AHNAK: variants seen among roughly 807,000 people sequenced by gnomAD.
AHNAK encodes neuroblast differentiation-associated protein AHNAK.
Under a neutral mutation model 37.8 loss-of-function variants are expected in AHNAK, and 23 were observed. The ratio of observed to expected loss-of-function variants is 0.61; its 90% CI spans 0.44 to 0.86. AHNAK has a LOEUF of 0.86. AHNAK is among the 40% of genes least tolerant of loss of function. The probability of loss-of-function intolerance (pLI) is 0.00; values close to 1 mark genes in which losing one functional copy is unlikely to be tolerated. For missense variants in AHNAK, 7,411 were observed against 7,319.4 expected (o/e 1.01, Z -0.46); for synonymous variants, 2,481 against 2,636.3 (o/e 0.94, Z 1.80).
At position 62,517,533 on chromosome 11, in the gene AHNAK, C is replaced by T; in HGVS notation, c.16884G>A (p.Val5628=). Residue 5628 remains valine (V), a synonymous_variant, in exon 5 of 5, where the codon GTG becomes GTA. Coordinates refer to ENST00000378024, the MANE Select transcript of AHNAK (RefSeq NM_001620.3). The part of the protein sequence containing the change: ...HFSGPKVEGG[V]KGGQIGLQAP... The stretch of plus-strand genomic sequence containing the variant: ...CCTGGAGTCCAATCTGACCTCCTTT[C>T]ACACCTCCTTCCACCTTTGGTCCTG... 1 of 1,614,174 alleles carries T rather than the reference C, an allele frequency of 6.2e-7. No individual in the cohort carries two copies. The highest frequency in any genetic ancestry group is 8.5e-7 in the Non-Finnish European group (1 of 1,180,028).
chr11:62,518,895 G>A lies in AHNAK; in HGVS notation c.15522C>T (p.Asn5174=), dbSNP rs1450163649. ...TGACTTTAGCATCTAGGCCTTCGAT[G>A]TTGATGTCAGGTGCACCCAAGTTTG... ...VQANLGAPDI[N]IEGLDAKVKT... Residue 5174 remains asparagine (N), a synonymous_variant, in exon 5 of 5, where the codon AAC becomes AAT. Coordinates refer to ENST00000378024, the MANE Select transcript of AHNAK (RefSeq NM_001620.3). 5.0e-6 allele frequency: 8 copies of A among 1,614,128 alleles called. No individual in the cohort carries two copies. In the African/African-American group the frequency reaches 8.0e-5, roughly 16 times the overall value.
intron 1 of AHNAK, among the ~76,000 whole-genome samples, chr11:62,543,708 T>C (rs975150480): frequency 6.6e-6 from 1 of 152,182 alleles, no homozygotes; most frequent in African/African-American, 2.4e-5. Flanking sequence ...TCCCACCGGA[T>C]GGCCTGAGCC....
intron 1 of AHNAK, among the ~76,000 whole-genome samples, chr11:62,538,548 A>G (rs978788377): frequency 1.3e-5 from 2 of 152,216 alleles, no homozygotes; most frequent in Non-Finnish European, 2.9e-5. Context: ...TCCGGAAAGT[A>G]TCAACAGTCA....
chr11:62,443,099 G>C (rs1195241366), intron 5 of AHNAK, among the ~76,000 whole-genome samples: 1 of 150,830 alleles, frequency 6.6e-6, no homozygotes, highest in Non-Finnish European at 1.5e-5. Flanking sequence ...AGCCTCCCAA[G>C]TAGCTGGGAC....
chr11:62,506,195 C>T (rs143024695), intron 4 of AHNAK, among the ~76,000 whole-genome samples: 57 of 150,748 alleles, frequency 3.8e-4, no homozygotes, highest in African/African-American at 1.3e-3. Context: ...GGCAACAGAG[C>T]GAGACCCTGT....
rs760579022 is a variant in AHNAK at position 62,524,930 on chromosome 11, A to C, written c.9487T>G (p.Phe3163Val). ...IKMPKISMPG[F>V]KGEGPEVDVN... ...TCCACTTCTGGACCTTCTCCTTTGA[A>C]GCCAGGCATGCTGATCTTGGGCATT... The change falls in exon 5 of 5, where the codon TTC becomes GTC. Residue 3163 changes from phenylalanine to valine, a missense_variant. Physicochemically the swap from Phe to Val is conservative, Grantham distance 50 (BLOSUM62 -1). Transcript: ENST00000378024. 3 of 1,613,682 alleles carry C rather than the reference A, an allele frequency of 1.9e-6. No individual in the cohort carries two copies. The highest frequency in any genetic ancestry group is 2.5e-6 in the Non-Finnish European group (3 of 1,179,956).
At chr11:62,441,043 C>T (rs1938295643) in intron 5 of AHNAK, among the ~76,000 whole-genome samples, 1 of 151,942 alleles carries the variant, frequency 6.6e-6, no homozygotes. Flanking sequence ...CTCTGTTGCC[C>T]AGGCTGGAGT....
At position 62,532,246 on chromosome 11, in the gene AHNAK, C is replaced by A. The variant is rs567807877; in HGVS notation, c.2171G>T (p.Gly724Val). ...GTCCACTTTTGGGCCTTTGAGTTCT[C>A]CTTCCAGCTTTGGTACAGTTACATC... ...EYDVTVPKLEGELKGPKVDID... is the reference protein window; with the variant it reads ...EYDVTVPKLEVELKGPKVDID... The change falls in exon 5 of 5, where the codon GGA becomes GTA. Residue 724 changes from glycine to valine, a missense_variant. Physicochemically the swap from Gly to Val is moderately radical, Grantham distance 109. Transcript: ENST00000378024. 6.2e-7 allele frequency: 1 copy of A among 1,613,838 alleles called. No individual in the cohort carries two copies. The highest frequency in any genetic ancestry group is 1.7e-5 in the Admixed American group (1 of 59,976).
intron 5 of AHNAK, among the ~76,000 whole-genome samples, chr11:62,483,150 C>A (rs529279048): frequency 2.0e-5 from 3 of 152,290 alleles, no homozygotes; most frequent in Middle Eastern, 3.4e-3. Flanking sequence ...TGACAGAAGA[C>A]CCCGAAGGCC....
intron 5 of AHNAK, among the ~76,000 whole-genome samples, chr11:62,438,251 T>C (rs1230052731): frequency 3.2e-5 from 3 of 92,906 alleles, no homozygotes; most frequent in Non-Finnish European, 6.5e-5. Context: ...TGGTGTGATC[T>C]CGGCTCACTG....
intron 4 of AHNAK, chr11:62,491,867 C>T (rs1294167159): frequency 6.4e-7 from 1 of 1,565,600 alleles, no homozygotes; most frequent in Admixed American, 1.8e-5. Context: ...GGTCACTCAT[C>T]AAATCATCCA....
At chr11:62,476,936 A>T (rs768995384) in intron 5 of AHNAK, among the ~76,000 whole-genome samples, 2 of 152,170 alleles carry the variant, frequency 1.3e-5, no homozygotes, top group African/African-American at 2.4e-5. Context: ...TGCACCAAAA[A>T]CTGCAATGCC....
chr11:62,509,140 C>T (rs2134181310), intron 4 of AHNAK, among the ~76,000 whole-genome samples: 1 of 152,266 alleles, frequency 6.6e-6, no homozygotes, highest in East Asian at 1.9e-4. Flanking sequence ...AAATGTATAA[C>T]CTGAACCCAA....
chr11:62,479,237 G>T (rs1459020272), intron 5 of AHNAK, among the ~76,000 whole-genome samples: 2 of 133,900 alleles, frequency 1.5e-5, no homozygotes, highest in East Asian at 4.3e-4. Context: ...GCACGATCTC[G>T]GCTCACTGCA....
chr11:62,477,598 T>A (rs1404812380), intron 5 of AHNAK, among the ~76,000 whole-genome samples: 1 of 152,068 alleles, frequency 6.6e-6, no homozygotes, highest in Non-Finnish European at 1.5e-5. Flanking sequence ...GGTCAGGAGT[T>A]CGAGACCAGC....
intron 1 of AHNAK, among the ~76,000 whole-genome samples, chr11:62,542,604 G>A (rs1260730656): frequency 6.6e-6 from 1 of 152,140 alleles, no homozygotes; most frequent in Non-Finnish European, 1.5e-5. Context: ...AGTGAGCTTG[G>A]AAGCCCTGAA....
Position 62,527,448 on chromosome 11 carries a change from T to A in AHNAK, c.6969A>T (p.Gly2323=), listed in dbSNP as rs1278298112. 6.2e-7 allele frequency: 1 copy of A among 1,614,058 alleles called. No individual in the cohort carries two copies. Among genetic ancestry groups the A allele is most frequent in the South Asian group, 1.1e-5 (1 of 91,078 alleles). ...SMPDVDFNLK[G]PKIKGDVDVS... ...CATCAACATCTCCTTTGATTTTGGG[T>A]CCCTTTAAATTGAAATCAACATCAG... The change falls in exon 5 of 5, where the codon GGA becomes GGT. Residue 2323 remains glycine, a synonymous_variant. Coordinates refer to ENST00000378024, the MANE Select transcript of AHNAK (RefSeq NM_001620.3).
rs777465198 is a variant in AHNAK at position 62,528,606 on chromosome 11, T to C, written c.5811A>G (p.Lys1937=). The C allele has an allele frequency of 3.1e-6, 5 of 1,610,404 alleles. No homozygotes were observed. Among genetic ancestry groups the C allele is most frequent in the Non-Finnish European group, 4.2e-6 (5 of 1,179,220 alleles). ...TTGGCACCGACACATCCACATCCCCTTTGACTTTGGGGCCTTTCAAGTGTA... is the reference window on the plus strand; with the variant it reads ...TTGGCACCGACACATCCACATCCCCCTTGACTTTGGGGCCTTTCAAGTGTA... ...VDLHLKGPKV[K]GDVDVSVPKL... Residue 1937 remains lysine, a synonymous_variant, in exon 5 of 5, where the codon AAA becomes AAG. Coordinates refer to ENST00000378024, the MANE Select transcript of AHNAK (RefSeq NM_001620.3).
At position 62,520,337 on chromosome 11, in the gene AHNAK, C is replaced by G; in HGVS notation, c.14080G>C (p.Asp4694His). 1.9e-6 allele frequency: 3 copies of G among 1,613,504 alleles called. No individual in the cohort carries two copies. Among genetic ancestry groups the G allele is most frequent in the East Asian group, 2.2e-5 (1 of 44,832 alleles). Residue 4694 changes from aspartate to histidine, a missense_variant, in exon 5 of 5, where the codon GAT becomes CAT. Asp to His is a moderately conservative substitution (Grantham distance 81). Transcript: ENST00000378024. ...GCATCTGGACCTTCGATATTCACAT[C>G]AGGAACATCAACGTCCACTTTGGGT... Reference protein sequence around the residue: ...SGPKVDVDVPDVNIEGPDAKL... With the variant: ...SGPKVDVDVPHVNIEGPDAKL...
Sources: allele counts gnomAD v4.1 joint callset (sites outside exome capture counted in the v4.1 genomes callset), GRCh38; gene constraint gnomAD v4.1.1; transcripts MANE v1.5; gene names NCBI Gene and HGNC (gene_info 2026-07-23, HGNC 2026-07-21).